The following ELK3 variants were observed in gnomAD, a reference collection of about 807,000 sequenced individuals.
ELK3 encodes ETS transcription factor ELK3.
A neutral mutation model predicts 28.9 loss-of-function variants in ELK3; 10 were observed. That is an observed-to-expected ratio of 0.35 (90% CI 0.21 to 0.59). The LOEUF is 0.59. Ranked by LOEUF, ELK3 falls within the 20% of genes least tolerant of loss-of-function variation. ELK3 has a pLI of 0.82. For missense variants in ELK3, 463 were observed against 517.3 expected (o/e 0.90, Z 1.02); for synonymous variants, 272 against 243.5 (o/e 1.12, Z -1.09).
chr12:96,207,566 A>G (rs1375467719), intron 1 of ELK3, among the ~76,000 whole-genome samples: 1 of 152,242 alleles, frequency 6.6e-6, no homozygotes. Flanking sequence ...TTTTGTTGAG[A>G]AGAGCACGAA....
At chr12:96,251,069 C>G (rs765955425) in intron 3 of ELK3, among the ~76,000 whole-genome samples, 2 of 152,194 alleles carry the variant, frequency 1.3e-5, no homozygotes, top group Non-Finnish European at 2.9e-5. Flanking sequence ...TGGCGCTGAG[C>G]AAGTCTTGTC....
At chr12:96,203,298 T>C (rs945517846) in intron 1 of ELK3, among the ~76,000 whole-genome samples, 1 of 152,244 alleles carries the variant, frequency 6.6e-6, no homozygotes, top group Non-Finnish European at 1.5e-5. Flanking sequence ...ATGGCATCCC[T>C]CATGATCTGA....
At chr12:96,231,081 A>C (rs182345526) in intron 2 of ELK3, among the ~76,000 whole-genome samples, 1 of 152,308 alleles carries the variant, frequency 6.6e-6, no homozygotes, top group East Asian at 1.9e-4. Flanking sequence ...GTAGAGGCCT[A>C]AACAGGACAT....
chr12:96,228,416 C>CAAAAAAAAAAAAAAAAAAA (rs71091236), intron 2 of ELK3, among the ~76,000 whole-genome samples: 1 of 68,296 alleles, frequency 1.5e-5, no homozygotes, highest in South Asian at 4.6e-4. Context: ...GACTCTGTGT[C>CAAAAAAAAAAAAAAAAAAA]AAAAAAAAAA....
At chr12:96,265,834 A>G (rs551095085) in intron 4 of ELK3, among the ~76,000 whole-genome samples, 1 of 152,378 alleles carries the variant, frequency 6.6e-6, no homozygotes, top group African/African-American at 2.4e-5. Flanking sequence ...AGTGAATACA[A>G]TTCTAGAAAA....
intron 3 of ELK3, among the ~76,000 whole-genome samples, chr12:96,251,646 G>A (rs1219349921): frequency 2.6e-5 from 4 of 152,186 alleles, no homozygotes; most frequent in Admixed American, 2.0e-4. Flanking sequence ...GGGACATCCT[G>A]ATTGTTGATA....
chr12:96,201,625 G>A lies in ELK3; in HGVS notation c.-3+6920G>A, dbSNP rs374729549. ...AAAGGGATTGAAGTGGAGAAGCTGA[G>A]ATATACTCCCTTTCAAGTCGGAAGC... On this transcript the variant is annotated intron_variant, in intron 1 of 4. Transcript: ENST00000228741. Among the ~76,000 whole-genome samples, 29 of 148,812 alleles carry A rather than the reference G, an allele frequency of 1.9e-4. 1 individual carries two copies. The South Asian group carries it at 6.2e-3, about 32-fold the overall frequency.
chr12:96,198,680 T>A (rs117250448), intron 1 of ELK3, among the ~76,000 whole-genome samples: 2,831 of 152,252 alleles, frequency 0.019, 47 homozygotes, highest in Middle Eastern at 0.024. Context: ...TGAATTGCCT[T>A]ACAAAGATAC....
At chr12:96,195,655 T>C (rs1417249680) in intron 1 of ELK3, among the ~76,000 whole-genome samples, 1 of 152,064 alleles carries the variant, frequency 6.6e-6, no homozygotes, top group African/African-American at 2.4e-5. Context: ...AAGGGGCTTT[T>C]TAGAAAGAAA....
intron 1 of ELK3, among the ~76,000 whole-genome samples, chr12:96,211,594 G>A: frequency 6.6e-6 from 1 of 151,134 alleles, no homozygotes; most frequent in Admixed American, 6.6e-5. Flanking sequence ...AACTAGTTTT[G>A]ATCTCTAAAA....
chr12:96,205,329 C>T (rs1565777067), intron 1 of ELK3, among the ~76,000 whole-genome samples: 1 of 152,104 alleles, frequency 6.6e-6, no homozygotes, highest in Non-Finnish European at 1.5e-5. Context: ...AGGTGCAGTA[C>T]CTCAGTTTCC....
chr12:96,203,646 A>G (rs544298406), intron 1 of ELK3, among the ~76,000 whole-genome samples: 177 of 152,206 alleles, frequency 1.2e-3, no homozygotes, highest in African/African-American at 3.9e-3. Context: ...CTCTTGGTTA[A>G]ACCATAAAGA....
At chr12:96,206,976 A>G (rs183798006) in intron 1 of ELK3, among the ~76,000 whole-genome samples, 38 of 152,338 alleles carry the variant, frequency 2.5e-4, no homozygotes, top group African/African-American at 8.9e-4. Context: ...TAATTTAAAA[A>G]TCTATTTGAA....
intron 3 of ELK3, among the ~76,000 whole-genome samples, chr12:96,254,471 A>G (rs1951931874): frequency 6.6e-6 from 1 of 152,200 alleles, no homozygotes; most frequent in Non-Finnish European, 1.5e-5. Context: ...GGACCTAGCC[A>G]TGACAACAAG....
intron 1 of ELK3, among the ~76,000 whole-genome samples, chr12:96,208,621 C>T (rs934205052): frequency 7.2e-5 from 11 of 152,020 alleles, no homozygotes; most frequent in Non-Finnish European, 5.9e-5. Flanking sequence ...TGAGGAGAGA[C>T]GAGTTTTGGT....
chr12:96,245,875 T>G (rs888268228), intron 2 of ELK3, among the ~76,000 whole-genome samples: 1 of 152,226 alleles, frequency 6.6e-6, no homozygotes, highest in Non-Finnish European at 1.5e-5. Context: ...ATTATTGCTT[T>G]TCATTTATAG....
At chr12:96,226,218 G>A (rs1246130630) in intron 2 of ELK3, among the ~76,000 whole-genome samples, 1 of 152,186 alleles carries the variant, frequency 6.6e-6, no homozygotes, top group Admixed American at 6.5e-5. Flanking sequence ...CCAAGGTCAG[G>A]AGTCCAGGTG....
intron 1 of ELK3, among the ~76,000 whole-genome samples, chr12:96,200,224 T>C (rs1045619629): frequency 6.6e-6 from 1 of 152,128 alleles, no homozygotes; most frequent in African/African-American, 2.4e-5. Context: ...TCTAGTTAAT[T>C]GAAACTATAT....
chr12:96,244,864 G>A (rs1361585390), intron 2 of ELK3, among the ~76,000 whole-genome samples: 2 of 152,132 alleles, frequency 1.3e-5, no homozygotes. Context: ...CGGCAGAGAC[G>A]CTGCTAACAA....
Sources: gnomAD v4.1 joint callset for allele counts (sites outside exome capture counted in the v4.1 genomes callset) on GRCh38, gnomAD v4.1.1 for gene constraint, MANE v1.5 for transcripts, NCBI Gene and HGNC (gene_info 2026-07-23, HGNC 2026-07-21) for gene names.